The following MAML2 variants were observed in gnomAD, a reference collection of about 807,000 sequenced individuals.
The protein encoded by MAML2 is mastermind-like protein 2.
Under a neutral mutation model 96.1 loss-of-function variants are expected in MAML2, and 22 were observed. The observed-to-expected ratio is 0.23, with a 90% CI of 0.16 to 0.33. The LOEUF is 0.33. Ranked by LOEUF, MAML2 falls within the 10% of genes least tolerant of loss-of-function variation. The pLI is 1.00. For missense variants in MAML2, 1,367 were observed against 1,392.4 expected, an observed-to-expected ratio of 0.98 and a Z score of 0.29; for synonymous variants, 561 against 521.3, an observed-to-expected ratio of 1.08 and a Z score of -1.04.
intron 1 of MAML2, among the ~76,000 whole-genome samples, chr11:96,166,421 C>T (rs934078484): frequency 2.6e-5 from 4 of 152,104 alleles, no homozygotes; most frequent in Non-Finnish European, 5.9e-5. Context: ...CTTATTGTTT[C>T]CTTATTTTCT....
chr11:96,094,187 G>C (rs1301986530), intron 1 of MAML2, among the ~76,000 whole-genome samples: 2 of 152,164 alleles, frequency 1.3e-5, no homozygotes, highest in Non-Finnish European at 2.9e-5. Flanking sequence ...CCTCATATGA[G>C]ATACTTTAAG....
At chr11:96,008,504 C>T (rs1410056080) in intron 2 of MAML2, among the ~76,000 whole-genome samples, 1 of 152,178 alleles carries the variant, frequency 6.6e-6, no homozygotes, top group Non-Finnish European at 1.5e-5. Flanking sequence ...AATAACAGTT[C>T]ACTGAGTACA....
intron 1 of MAML2, among the ~76,000 whole-genome samples, chr11:96,303,717 T>G (rs773413458): frequency 3.9e-5 from 6 of 152,134 alleles, no homozygotes; most frequent in Admixed American, 6.6e-5. Flanking sequence ...AAGAACAGAT[T>G]TAAGAAAATG....
chr11:96,152,638 A>G (rs1332912225), intron 1 of MAML2, among the ~76,000 whole-genome samples: 1 of 152,254 alleles, frequency 6.6e-6, no homozygotes, highest in Non-Finnish European at 1.5e-5. Flanking sequence ...CACATTTACC[A>G]GAAATATTCC....
At chr11:96,205,871 T>C (rs1343461491) in intron 1 of MAML2, among the ~76,000 whole-genome samples, 1 of 152,220 alleles carries the variant, frequency 6.6e-6, no homozygotes, top group Admixed American at 6.5e-5. Flanking sequence ...GCTAATACAG[T>C]TGAGCATTGA....
At chr11:96,094,787 C>T (rs1447513398) in intron 1 of MAML2, among the ~76,000 whole-genome samples, 1 of 152,180 alleles carries the variant, frequency 6.6e-6, no homozygotes, top group East Asian at 1.9e-4. Flanking sequence ...AATGTTTTCT[C>T]AGCATAACTG....
At chr11:96,214,663 C>T (rs1056344035) in intron 1 of MAML2, among the ~76,000 whole-genome samples, 1 of 152,212 alleles carries the variant, frequency 6.6e-6, no homozygotes, top group African/African-American at 2.4e-5. Context: ...ATGCGAAATA[C>T]ACCACACACT....
chr11:96,150,501 T>C (rs1396434648), intron 1 of MAML2, among the ~76,000 whole-genome samples: 2 of 152,160 alleles, frequency 1.3e-5, no homozygotes, highest in South Asian at 2.1e-4. Flanking sequence ...TCAGCATTTC[T>C]TGAAGCATTG....
At chr11:96,193,203 C>T (rs1459853817) in intron 1 of MAML2, among the ~76,000 whole-genome samples, 1 of 152,080 alleles carries the variant, frequency 6.6e-6, no homozygotes, top group Non-Finnish European at 1.5e-5. Context: ...CCCATCTCTA[C>T]TAAAAATACA....
At chr11:96,106,421 T>C (rs1185021524) in intron 1 of MAML2, among the ~76,000 whole-genome samples, 1 of 152,212 alleles carries the variant, frequency 6.6e-6, no homozygotes, top group Non-Finnish European at 1.5e-5. Context: ...AAGAATATGT[T>C]ACAGTTCCTT....
intron 1 of MAML2, among the ~76,000 whole-genome samples, chr11:96,305,157 A>T (rs957167808): frequency 1.3e-5 from 2 of 152,258 alleles, no homozygotes; most frequent in Non-Finnish European, 2.9e-5. Context: ...ATTTTAAAAT[A>T]ATATGGAAAC....
chr11:95,979,380 T>C lies in MAML2; in HGVS notation c.3039A>G (p.Ala1013=), dbSNP rs759206781. The C allele has an allele frequency of 6.8e-6, 11 of 1,613,604 alleles. No homozygotes were observed. Among genetic ancestry groups the C allele is most frequent in the Non-Finnish European group, 9.3e-6 (11 of 1,179,798 alleles). The part of the protein sequence containing the change: ...AVGSQQFSQR[A]VAPPNQLTPA... ...GTGTTAACTGGTTAGGAGGAGCCAC[T>C]GCCCTCTGGGAAAATTGCTGGCTAC... is the stretch of plus-strand genomic sequence containing the variant. The change falls in exon 5 of 5, where the codon GCA becomes GCG. Residue 1013 remains alanine (A), a synonymous_variant. Transcript: ENST00000524717.
intron 2 of MAML2, among the ~76,000 whole-genome samples, chr11:96,071,657 T>G (rs1053061296): frequency 2.0e-5 from 3 of 152,260 alleles, no homozygotes; most frequent in African/African-American, 7.2e-5. Context: ...GGTCTTGATG[T>G]TCTGTAACCT....
intron 2 of MAML2, among the ~76,000 whole-genome samples, chr11:96,060,309 G>A (rs1470701347): frequency 6.6e-6 from 1 of 152,188 alleles, no homozygotes; most frequent in Admixed American, 6.5e-5. Context: ...CAGTAAACCA[G>A]TGATGTTTCT....
intron 2 of MAML2, among the ~76,000 whole-genome samples, chr11:96,089,655 G>C (rs939176255): frequency 2.6e-5 from 4 of 152,104 alleles, no homozygotes; most frequent in African/African-American, 4.8e-5. Flanking sequence ...ATACTTACTT[G>C]ACTACACAGC....
rs1860387850 is a variant in MAML2 at position 96,123,649 on chromosome 11, A to G, written c.514-30132T>C. On this transcript the variant is annotated intron_variant, in intron 1 of 4. Coordinates refer to ENST00000524717, the MANE Select transcript of MAML2 (RefSeq NM_032427.4). ...TTCAGAGTTTCCTCTGGAATCACCAAGTGGTGAGGTAGGAAACAAGGGAAT... is the reference window on the plus strand; with the variant it reads ...TTCAGAGTTTCCTCTGGAATCACCAGGTGGTGAGGTAGGAAACAAGGGAAT... Among the ~76,000 whole-genome samples, 4 of 152,338 alleles carry G rather than the reference A, an allele frequency of 2.6e-5. No individual in the cohort carries two copies. The South Asian group carries it at 6.2e-4, about 24-fold the overall frequency.
chr11:96,240,055 T>A (rs750565752), intron 1 of MAML2, among the ~76,000 whole-genome samples: 15 of 152,222 alleles, frequency 9.9e-5, no homozygotes, highest in Non-Finnish European at 1.5e-4. Flanking sequence ...AATAACTTTT[T>A]TCTTTGTGGC....
intron 1 of MAML2, among the ~76,000 whole-genome samples, chr11:96,231,478 C>T (rs1026675864): frequency 2.0e-5 from 3 of 152,060 alleles, no homozygotes; most frequent in Admixed American, 1.3e-4. Context: ...TTAGTGGTAC[C>T]TACTGTAGGA....
chr11:96,032,108 T>C (rs1274205032), intron 2 of MAML2, among the ~76,000 whole-genome samples: 2 of 152,092 alleles, frequency 1.3e-5, no homozygotes, highest in East Asian at 3.9e-4. Flanking sequence ...GTCCACAAAT[T>C]AAGAATGTTT....
Sources: gnomAD v4.1 joint callset for allele counts (sites outside exome capture counted in the v4.1 genomes callset) on GRCh38, gnomAD v4.1.1 for gene constraint, MANE v1.5 for transcripts, NCBI Gene and HGNC (gene_info 2026-07-23, HGNC 2026-07-21) for gene names.